The following TMCO4 variants were observed in gnomAD, a reference collection of about 807,000 sequenced individuals.
The protein encoded by TMCO4 is transmembrane and coiled-coil domain-containing protein 4.
A neutral mutation model predicts 64.7 loss-of-function variants in TMCO4; 58 were observed. That is an observed-to-expected ratio of 0.90 (90% CI 0.73 to 1.12). TMCO4 has a LOEUF of 1.12. Ranked by LOEUF, TMCO4 falls within the 50% of genes most tolerant of loss-of-function variation. The probability of loss-of-function intolerance (pLI) is 0.00; values close to 1 mark genes in which losing one functional copy is unlikely to be tolerated. For missense variants in TMCO4, 780 were observed against 825.9 expected (o/e 0.94, Z 0.68); for synonymous variants, 325 against 346.1 (o/e 0.94, Z 0.68).
chr1:19,683,976 G>T (rs547856160), intron 15 of TMCO4, among the ~76,000 whole-genome samples: 3 of 150,264 alleles, frequency 2.0e-5, no homozygotes, highest in East Asian at 3.9e-4. Context: ...TGGCCAGGCT[G>T]GTCTCGAACT....
chr1:19,737,527 G>C lies in TMCO4; in HGVS notation c.1180-71C>G. ...TCTAGCAAAACATCAGGCCTGAGGAGGGCAGCCTTTGCACATTCCTTACCA... is the reference window on the plus strand; with the variant it reads ...TCTAGCAAAACATCAGGCCTGAGGACGGCAGCCTTTGCACATTCCTTACCA... On this transcript the variant is annotated intron_variant, in intron 12 of 15. Coordinates refer to ENST00000294543, the MANE Select transcript of TMCO4 (RefSeq NM_181719.7). The C allele has an allele frequency of 2.8e-6, 4 of 1,443,906 alleles. No individual in the cohort carries two copies. The South Asian group carries it at 4.6e-5, about 17-fold the overall frequency. 89.4% of individuals were successfully genotyped at this position (1,443,906 alleles called of 1,614,324 possible).
chr1:19,683,061 G>T lies in TMCO4; in HGVS notation c.1884C>A (p.Gly628=), dbSNP rs1570594731. ...GTGGTCAGTCCAGCCCCGTGCTGGG[G>T]CCCTGGGTCTTGCAGGCACAATCGG... ...GCPDCACKTQ[G]PSTGLD Residue 628 remains glycine (G), a synonymous_variant, in exon 16 of 16, where the codon GGC becomes GGA. Transcript: ENST00000294543. The T allele has an allele frequency of 6.3e-7, 1 of 1,595,332 alleles. No homozygotes were observed. The highest frequency in any genetic ancestry group is 8.5e-7 in the Non-Finnish European group (1 of 1,171,474).
intron 13 of TMCO4, among the ~76,000 whole-genome samples, chr1:19,727,426 G>A (rs1413636834): frequency 6.6e-6 from 1 of 152,186 alleles, no homozygotes; most frequent in Non-Finnish European, 1.5e-5. Context: ...TCATGTCTTT[G>A]GAAGGGTAGT....
intron 3 of TMCO4, among the ~76,000 whole-genome samples, chr1:19,782,823 C>G (rs1393667826): frequency 6.6e-6 from 1 of 152,164 alleles, no homozygotes; most frequent in East Asian, 1.9e-4. Flanking sequence ...CCAGACAGAC[C>G]TGGGCGTGAA....
chr1:19,758,497 T>C (rs2235656), intron 6 of TMCO4, among the ~76,000 whole-genome samples: 49,612 of 152,060 alleles, frequency 0.33, 8,215 homozygotes, highest in East Asian at 0.44. Flanking sequence ...CCTTCCAGCA[T>C]GCAGGCTGCT....
chr1:19,700,156 C>T (rs921454701), intron 14 of TMCO4, among the ~76,000 whole-genome samples: 13 of 152,208 alleles, frequency 8.5e-5, no homozygotes, highest in Admixed American at 6.5e-5. Context: ...TGAAACCCCG[C>T]AGGTCCTCCT....
At chr1:19,748,122 T>A (rs2041868615) in intron 7 of TMCO4, among the ~76,000 whole-genome samples, 1 of 152,210 alleles carries the variant, frequency 6.6e-6, no homozygotes, top group Non-Finnish European at 1.5e-5. Flanking sequence ...ACCCATATTA[T>A]AGATGAATTA....
chr1:19,793,266 G>T (rs1353385718), intron 2 of TMCO4, among the ~76,000 whole-genome samples: 2 of 152,068 alleles, frequency 1.3e-5, no homozygotes, highest in African/African-American at 4.8e-5. Flanking sequence ...CATTAATAGG[G>T]AGATGGCTAC....
chr1:19,784,493 C>CA (rs1244824781), intron 3 of TMCO4, among the ~76,000 whole-genome samples: 2 of 152,152 alleles, frequency 1.3e-5, no homozygotes, highest in Non-Finnish European at 2.9e-5. Context: ...GAGATTGTGC[C>CA]ACTGCACTCC....
chr1:19,682,523 C>G lies in TMCO4; in HGVS notation c.*517G>C. On this transcript the variant is annotated 3_prime_UTR_variant, in exon 16 of 16. Coordinates refer to ENST00000294543, the MANE Select transcript of TMCO4 (RefSeq NM_181719.7). Reference sequence around the variant, plus strand: ...TGGATCTCCTAAGAGCAGGAGTGAGCTGCCTTCTTTGTACCTGCGCCTGCT... The same window carrying G: ...TGGATCTCCTAAGAGCAGGAGTGAGGTGCCTTCTTTGTACCTGCGCCTGCT... The G allele has an allele frequency of 1.0e-5, 7 of 696,982 alleles. No individual in the cohort carries two copies. The highest frequency in any genetic ancestry group is 1.9e-5 in the Non-Finnish European group (7 of 373,982). 43.2% of individuals were successfully genotyped at this position (696,982 alleles called of 1,614,324 possible).
chr1:19,695,369 C>T (rs1156764060), intron 14 of TMCO4, among the ~76,000 whole-genome samples: 2 of 152,248 alleles, frequency 1.3e-5, no homozygotes, highest in African/African-American at 4.8e-5. Context: ...TCTTGGGATG[C>T]AGCTGGGCCA....
intron 10 of TMCO4, 139 bp downstream of exon 10, chr1:19,745,393 C>A: frequency 7.3e-7 from 1 of 1,375,008 alleles, no homozygotes; most frequent in Non-Finnish European, 9.9e-7. Flanking sequence ...GTTGCCTCAC[C>A]TCTCTGAGCC....
intron 4 of TMCO4, among the ~76,000 whole-genome samples, chr1:19,771,837 T>C (rs750434451): frequency 8.5e-5 from 13 of 152,076 alleles, no homozygotes; most frequent in Non-Finnish European, 1.5e-4. Flanking sequence ...TTTGTATTTT[T>C]AGTAGAGACA....
At position 19,715,546 on chromosome 1, in the gene TMCO4, G is replaced by A. The variant is rs145445897; in HGVS notation, c.1265-14661C>T. Among the ~76,000 whole-genome samples, 210 of 152,294 alleles carry A rather than the reference G, an allele frequency of 1.4e-3. 1 individual carries two copies. The highest frequency in any genetic ancestry group is 4.8e-3 in the African/African-American group (198 of 41,546). On this transcript the variant is annotated intron_variant, in intron 13 of 15. Coordinates refer to ENST00000294543, the MANE Select transcript of TMCO4 (RefSeq NM_181719.7). ...TTTGTATATTTGGTGCCTAATAAAT[G>A]CTTATCAAGTCAAATGAAAACAAGA...
At chr1:19,718,536 C>G (rs1414234618) in intron 13 of TMCO4, among the ~76,000 whole-genome samples, 1 of 147,848 alleles carries the variant, frequency 6.8e-6, no homozygotes, top group African/African-American at 2.5e-5. Flanking sequence ...GCCTGTATTC[C>G]CAGCTATTTG....
intron 6 of TMCO4, among the ~76,000 whole-genome samples, chr1:19,757,155 GTGGC>G (rs1570919462): frequency 8.0e-6 from 1 of 124,272 alleles, no homozygotes; most frequent in Admixed American, 8.0e-5. Context: ...GCCAGGCGTG[GTGGC>G]GGGGGGGGGC....
intron 13 of TMCO4, among the ~76,000 whole-genome samples, chr1:19,726,179 AGG>A (rs2100764735): frequency 6.6e-6 from 1 of 152,300 alleles, no homozygotes; most frequent in African/African-American, 2.4e-5. Context: ...ACATTCTAGC[AGG>A]GGAGAGAGAC....
At chr1:19,774,940 C>T (rs1028752148) in intron 4 of TMCO4, among the ~76,000 whole-genome samples, 2 of 152,204 alleles carry the variant, frequency 1.3e-5, no homozygotes, top group Admixed American at 6.5e-5. Context: ...GGTTACCCCA[C>T]TCCAGTGGTT....
intron 4 of TMCO4, among the ~76,000 whole-genome samples, chr1:19,774,885 G>A (rs141399235): frequency 1.4e-4 from 22 of 152,134 alleles, no homozygotes; most frequent in Admixed American, 1.4e-3. Context: ...CCAGATTCAC[G>A]CCTACATCTC....
Sources: gnomAD v4.1 joint callset for allele counts (sites outside exome capture counted in the v4.1 genomes callset) on GRCh38, gnomAD v4.1.1 for gene constraint, MANE v1.5 for transcripts, NCBI Gene and HGNC (gene_info 2026-07-23, HGNC 2026-07-21) for gene names.